Variants in ANKS1B observed in about 807,000 individuals in gnomAD.
ANKS1B encodes ankyrin repeat and sterile alpha motif domain-containing protein 1B.
Under a neutral mutation model 148.3 loss-of-function variants are expected in ANKS1B, and 36 were observed. The observed-to-expected ratio is 0.24, with a 90% CI of 0.19 to 0.32. The LOEUF (loss-of-function observed/expected upper bound fraction) is 0.32, where lower values mean the gene tolerates loss of function less well. ANKS1B is among the 10% of genes least tolerant of loss of function. ANKS1B has a pLI of 1.00. For synonymous variants in ANKS1B, 542 were observed against 560.8 expected (o/e 0.97, Z 0.47); for missense variants, 1,157 against 1,542.6 (o/e 0.75, Z 4.19).
rs59294440 is a variant in ANKS1B, at chr12:98,850,459, A to ATTTTTTTTT, written c.2779-18332_2779-18324dup. On this transcript the variant is annotated intron_variant, in intron 17 of 26. Coordinates refer to ENST00000683438, the MANE Select transcript of ANKS1B (RefSeq NM_001352186.2). ...TTGATGGAGACCAGAGAAGCATTGC[A>ATTTTTTTTT]TTTTTTTTTTTTTTTTTTTTTTTTT... is the stretch of plus-strand genomic sequence containing the variant. Among the ~76,000 whole-genome samples, 53 of 70,512 alleles carry ATTTTTTTTT rather than the reference A, an allele frequency of 7.5e-4. 5 individuals are homozygous for ATTTTTTTTT. The highest frequency in any genetic ancestry group is 1.2e-3 in the Admixed American group (5 of 4,334). 46.3% of individuals were successfully genotyped at this position (70,512 alleles called of 152,430 possible).
At position 99,831,243 on chromosome 12, in the gene ANKS1B, AACC is replaced by A. The variant is rs1480564258; in HGVS notation, c.135-5857_135-5855del. Among the ~76,000 whole-genome samples, 881 of 151,894 alleles carry A rather than the reference AACC, an allele frequency of 5.8e-3. 7 individuals carry two copies. Among genetic ancestry groups the A allele is most frequent in the African/African-American group, 0.02 (834 of 41,342 alleles). ...AATCAAAGAAAGCAAAAAAAAAAAAAACCAAACCCATACCATTATATATTTCTT... is the reference window on the plus strand; with the variant it reads ...AATCAAAGAAAGCAAAAAAAAAAAAAAAACCCATACCATTATATATTTCTT... On this transcript the variant is annotated intron_variant, in intron 1 of 26. Transcript: ENST00000683438.
chr12:99,581,695 C>T (rs2097570966), intron 9 of ANKS1B, among the ~76,000 whole-genome samples: 1 of 150,898 alleles, frequency 6.6e-6, no homozygotes, highest in South Asian at 2.1e-4. Flanking sequence ...TCGAGACCAT[C>T]CTGGCTAACA....
At position 98,773,087 on chromosome 12, in the gene ANKS1B, C is replaced by A. The variant is rs1412393371; in HGVS notation, c.3534G>T (p.Leu1178Phe). The A allele has an allele frequency of 6.2e-7, 1 of 1,613,916 alleles. No homozygotes were observed. Among genetic ancestry groups the A allele is most frequent in the East Asian group, 2.2e-5 (1 of 44,872 alleles). Residue 1178 changes from leucine to phenylalanine, a missense_variant, in exon 25 of 27, where the codon TTG becomes TTT. Leu to Phe is a conservative substitution (Grantham distance 22, BLOSUM62 0). Coordinates refer to ENST00000683438, the MANE Select transcript of ANKS1B (RefSeq NM_001352186.2). Reference protein sequence around the residue: ...LSTFAYITKDLKSNHHYCHVF... With the variant: ...LSTFAYITKDFKSNHHYCHVF... ...CATGACAGTAGTGGTGATTAGACTT[C>A]AAATCTTTTGTGATATAGGCAAATG...
intron 10 of ANKS1B, among the ~76,000 whole-genome samples, chr12:99,486,418 G>A (rs2096489096): frequency 6.6e-6 from 1 of 151,830 alleles, no homozygotes; most frequent in Non-Finnish European, 1.5e-5. Flanking sequence ...AATGGCAGAG[G>A]TCTCTTGATG....
intron 1 of ANKS1B, among the ~76,000 whole-genome samples, chr12:99,878,383 A>T (rs1000183152): frequency 1.3e-5 from 2 of 152,222 alleles, no homozygotes; most frequent in Admixed American, 6.5e-5. Context: ...GAAGAAAAGC[A>T]AGGGTTGAAA....
Position 98,745,593 on chromosome 12 carries a change from A to G in ANKS1B, c.*146T>C. 1.4e-6 allele frequency: 2 copies of G among 1,413,946 alleles called. No homozygotes were observed. Among genetic ancestry groups the G allele is most frequent in the Non-Finnish European group, 1.9e-6 (2 of 1,080,718 alleles). The allele number at this position is 1,413,946 out of a possible 1,614,324, so 87.6% of individuals were successfully genotyped here. A position where few individuals can be genotyped will look rare whatever the true frequency, so the allele number is the denominator to read the frequency against. ...TGGTGCAGAAAGAACTTCCCCAGGAATGGCCAGTGGCCTTTCGCCCGTAAC... is the reference window on the plus strand; with the variant it reads ...TGGTGCAGAAAGAACTTCCCCAGGAGTGGCCAGTGGCCTTTCGCCCGTAAC... On this transcript the variant is annotated 3_prime_UTR_variant, in exon 27 of 27. Transcript: ENST00000683438.
At chr12:99,541,402 GCAA>G (rs1019879704) in intron 9 of ANKS1B, among the ~76,000 whole-genome samples, 37 of 152,210 alleles carry the variant, frequency 2.4e-4, no homozygotes, top group African/African-American at 7.9e-4. Flanking sequence ...CAAACTAAAT[GCAA>G]CAACATACAA....
At chr12:99,550,029 C>T (rs557351711) in intron 9 of ANKS1B, among the ~76,000 whole-genome samples, 1 of 152,350 alleles carries the variant, frequency 6.6e-6, no homozygotes, top group Admixed American at 6.5e-5. Context: ...TCCCCTTCTG[C>T]AGGTCTTTTG....
chr12:99,931,533 TA>T (rs2094614979), intron 1 of ANKS1B, among the ~76,000 whole-genome samples: 1 of 152,172 alleles, frequency 6.6e-6, no homozygotes, highest in South Asian at 2.1e-4. Flanking sequence ...TGAAATATTC[TA>T]AAAAGTTTTG....
chr12:99,829,623 A>G (rs1172847249), intron 1 of ANKS1B, among the ~76,000 whole-genome samples: 3 of 151,412 alleles, frequency 2.0e-5, no homozygotes, highest in African/African-American at 7.3e-5. Context: ...TGCACTCCAG[A>G]CTGGGCGAGA....
chr12:99,485,606 C>A (rs546274005), intron 10 of ANKS1B, among the ~76,000 whole-genome samples: 4 of 152,160 alleles, frequency 2.6e-5, no homozygotes, highest in African/African-American at 9.6e-5. Context: ...CTCAATTATT[C>A]CCTCAAATAA....
chr12:98,954,577 A>G (rs571721994), intron 17 of ANKS1B, among the ~76,000 whole-genome samples: 26 of 152,350 alleles, frequency 1.7e-4, no homozygotes, highest in African/African-American at 5.8e-4. Context: ...TTGATGGTAC[A>G]TGTAATTTCA....
chr12:99,285,467 T>C (rs1018809477), intron 12 of ANKS1B, among the ~76,000 whole-genome samples: 2 of 152,096 alleles, frequency 1.3e-5, no homozygotes, highest in Non-Finnish European at 2.9e-5. Context: ...TCATTTCTCT[T>C]CAAAAAATAT....
chr12:99,905,289 T>C (rs2093738109), intron 1 of ANKS1B, among the ~76,000 whole-genome samples: 1 of 152,196 alleles, frequency 6.6e-6, no homozygotes, highest in Non-Finnish European at 1.5e-5. Flanking sequence ...TTTAATTGAC[T>C]TCACTCACAT....
chr12:98,811,551 T>C (rs982613718), intron 19 of ANKS1B, among the ~76,000 whole-genome samples: 1 of 152,168 alleles, frequency 6.6e-6, no homozygotes, highest in African/African-American at 2.4e-5. Context: ...CCAAGCCAGA[T>C]GTACATTCCT....
intron 10 of ANKS1B, 33 bp from the exon 11 acceptor site, chr12:99,443,842 A>C (rs1293116337): frequency 6.3e-7 from 1 of 1,581,010 alleles, no homozygotes; most frequent in African/African-American, 1.4e-5. Flanking sequence ...CATGAACCTA[A>C]TCACTCAGTT....
intron 8 of ANKS1B, among the ~76,000 whole-genome samples, chr12:99,698,494 G>T (rs2054273473): frequency 6.6e-6 from 1 of 151,958 alleles, no homozygotes. Context: ...TTTTCACCAT[G>T]AAAGAAAGGA....
chr12:99,932,938 T>C (rs2094660853), intron 1 of ANKS1B, among the ~76,000 whole-genome samples: 1 of 152,186 alleles, frequency 6.6e-6, no homozygotes, highest in Non-Finnish European at 1.5e-5. Context: ...TTGATTTTTT[T>C]AGATGGCAAG....
At chr12:99,124,222 A>T (rs1485616734) in intron 15 of ANKS1B, among the ~76,000 whole-genome samples, 5 of 152,148 alleles carry the variant, frequency 3.3e-5, no homozygotes. Context: ...AACAGAGGAG[A>T]GGTGATGACA....
Sources: gnomAD v4.1 joint callset for allele counts (sites outside exome capture counted in the v4.1 genomes callset) on GRCh38, gnomAD v4.1.1 for gene constraint, MANE v1.5 for transcripts, NCBI Gene and HGNC (gene_info 2026-07-23, HGNC 2026-07-21) for gene names.